The following THSD7B variants were observed in gnomAD, a reference collection of about 807,000 sequenced individuals.
The protein encoded by THSD7B is thrombospondin type 1 domain containing 7B, also known as thrombospondin type-1 domain-containing protein 7B.
Under a neutral mutation model 213.6 loss-of-function variants are expected in THSD7B, and 138 were observed. The ratio of observed to expected loss-of-function variants is 0.65; its 90% CI spans 0.56 to 0.74. The LOEUF (loss-of-function observed/expected upper bound fraction) is 0.74, where lower values mean the gene tolerates loss of function less well. Among genes scored for constraint, THSD7B ranks in the 30% least tolerant of loss-of-function variants. The pLI is 0.00. For synonymous variants in THSD7B, 742 were observed against 687.0 expected (o/e 1.08, Z -1.25); for missense variants, 1,931 against 1,991.5 (o/e 0.97, Z 0.58).
intron 12 of THSD7B, among the ~76,000 whole-genome samples, chr2:137,315,088 G>T (rs1378663476): frequency 6.6e-6 from 1 of 152,152 alleles, no homozygotes; most frequent in Non-Finnish European, 1.5e-5. Context: ...GGGCAATGGC[G>T]GGCGCCCCTC....
chr2:137,277,150 A>G (rs149535257), intron 12 of THSD7B, among the ~76,000 whole-genome samples: 96 of 152,220 alleles, frequency 6.3e-4, no homozygotes, highest in African/African-American at 2.3e-3. Flanking sequence ...TGTAGTGTAC[A>G]GTTTAAGTAG....
Position 137,345,414 on chromosome 2 carries a change from A to G in THSD7B, c.2501-60199A>G, listed in dbSNP as rs545339270. ...TAGAAATTTATGGCAAACCCACACT[A>G]TGCATTTGTGAGGAGAAAAAAATAG... On this transcript the variant is annotated intron_variant, in intron 12 of 27. Coordinates refer to ENST00000409968, the MANE Select transcript of THSD7B (RefSeq NM_001316349.2). 5.3e-5 allele frequency among the ~76,000 whole-genome samples: 8 copies of G among 151,856 alleles called. No homozygotes were observed. The South Asian group carries it at 1.7e-3, about 31-fold the overall frequency.
intron 15 of THSD7B, among the ~76,000 whole-genome samples, chr2:137,528,782 A>G (rs894729931): frequency 4.6e-5 from 7 of 152,058 alleles, no homozygotes; most frequent in South Asian, 2.1e-4. Context: ...ACTCCATTGT[A>G]TATTTACTGC....
intron 16 of THSD7B, among the ~76,000 whole-genome samples, 195 bp downstream of exon 16, chr2:137,563,549 T>C (rs906935751): frequency 6.6e-6 from 1 of 152,182 alleles, no homozygotes; most frequent in Non-Finnish European, 1.5e-5. Flanking sequence ...CCCTCTGCAG[T>C]GCAGCCACAA....
intron 7 of THSD7B, among the ~76,000 whole-genome samples, chr2:137,179,391 A>T (rs942674309): frequency 1.3e-5 from 2 of 152,158 alleles, no homozygotes; most frequent in Non-Finnish European, 2.9e-5. Context: ...TACTCTTGAC[A>T]CATTTACCAG....
chr2:137,613,472 G>C (rs1367715412), intron 17 of THSD7B, among the ~76,000 whole-genome samples: 1 of 152,148 alleles, frequency 6.6e-6, no homozygotes, highest in Non-Finnish European at 1.5e-5. Flanking sequence ...CATAAGGGAA[G>C]ATTGAACTTT....
intron 1 of THSD7B, among the ~76,000 whole-genome samples, chr2:136,819,353 C>T (rs1682533995): frequency 6.6e-6 from 1 of 152,108 alleles, no homozygotes; most frequent in Non-Finnish European, 1.5e-5. Flanking sequence ...TCCCCCATCC[C>T]CTACTCCCTC....
chr2:137,556,454 T>C (rs1191133950), intron 15 of THSD7B, among the ~76,000 whole-genome samples: 1 of 152,074 alleles, frequency 6.6e-6, no homozygotes, highest in African/African-American at 2.4e-5. Context: ...GCTTCCTAAG[T>C]GAAGGAGAAA....
At chr2:137,576,268 A>T (rs1681458959) in intron 17 of THSD7B, among the ~76,000 whole-genome samples, 1 of 152,072 alleles carries the variant, frequency 6.6e-6, no homozygotes. Context: ...TGAATTTCCA[A>T]ACTGTTGTAT....
intron 12 of THSD7B, among the ~76,000 whole-genome samples, chr2:137,346,383 G>C (rs930826827): frequency 4.6e-5 from 7 of 151,396 alleles, no homozygotes; most frequent in Non-Finnish European, 7.4e-5. Flanking sequence ...TGTCCGCCAG[G>C]TTCATTCGTG....
intron 12 of THSD7B, among the ~76,000 whole-genome samples, chr2:137,299,766 A>G (rs1445224036): frequency 1.3e-5 from 2 of 152,188 alleles, no homozygotes; most frequent in Non-Finnish European, 2.9e-5. Context: ...AGTTTTAACT[A>G]TGAATAGTTG....
chr2:136,788,173 T>C (rs947626893), intron 1 of THSD7B, among the ~76,000 whole-genome samples: 5 of 152,184 alleles, frequency 3.3e-5, no homozygotes, highest in African/African-American at 1.2e-4. Flanking sequence ...TGTGATTCAG[T>C]GAAGTAAACT....
intron 4 of THSD7B, among the ~76,000 whole-genome samples, chr2:137,096,438 C>T (rs552727795): frequency 2.0e-5 from 3 of 152,252 alleles, no homozygotes; most frequent in African/African-American, 7.2e-5. Context: ...AACTCTTAGC[C>T]ACTCACATCC....
At chr2:137,570,867 G>T (rs1266490994) in intron 16 of THSD7B, among the ~76,000 whole-genome samples, 1 of 152,118 alleles carries the variant, frequency 6.6e-6, no homozygotes, top group Non-Finnish European at 1.5e-5. Context: ...TTGACTAAAT[G>T]AATCACTGAC....
chr2:137,095,259 A>G (rs1020146285), intron 4 of THSD7B, 138 bp downstream of exon 4: 35 of 1,244,872 alleles, frequency 2.8e-5, no homozygotes, highest in Non-Finnish European at 3.5e-5. Context: ...TTGGCAGCAT[A>G]GGAGAGCGGG....
chr2:137,315,383 A>G (rs959097089), intron 12 of THSD7B, among the ~76,000 whole-genome samples: 1 of 151,918 alleles, frequency 6.6e-6, no homozygotes, highest in Non-Finnish European at 1.5e-5. Flanking sequence ...CAGTGCGCGC[A>G]CCCACTGACC....
chr2:137,085,210 C>A (rs969811195), intron 3 of THSD7B, among the ~76,000 whole-genome samples: 1 of 152,136 alleles, frequency 6.6e-6, no homozygotes, highest in Non-Finnish European at 1.5e-5. Flanking sequence ...CTGGTCCTTG[C>A]ATAATCAGCC....
chr2:137,569,466 G>T (rs1285842768), intron 16 of THSD7B, among the ~76,000 whole-genome samples: 3 of 152,196 alleles, frequency 2.0e-5, no homozygotes, highest in African/African-American at 7.2e-5. Flanking sequence ...ATCACCGGCA[G>T]GGGGAGGGGA....
chr2:137,577,649 C>T (rs1011771298), intron 17 of THSD7B, among the ~76,000 whole-genome samples: 2 of 152,052 alleles, frequency 1.3e-5, no homozygotes, highest in African/African-American at 4.8e-5. Flanking sequence ...CTCTTCTTCC[C>T]CCACTTCTCT....
Sources: gnomAD v4.1 joint callset for allele counts (sites outside exome capture counted in the v4.1 genomes callset) on GRCh38, gnomAD v4.1.1 for gene constraint, MANE v1.5 for transcripts, NCBI Gene and HGNC (gene_info 2026-07-23, HGNC 2026-07-21) for gene names.